Variants in JMJD1C observed in about 807,000 individuals in gnomAD.
JMJD1C encodes jumonji domain-containing protein 1C.
JMJD1C carries 31 observed loss-of-function variants against 245.3 expected under a neutral mutation model. The ratio of observed to expected loss-of-function variants is 0.13; its 90% CI spans 0.09 to 0.17. JMJD1C has a LOEUF of 0.17. Among genes scored for constraint, JMJD1C ranks in the 10% least tolerant of loss-of-function variants. The pLI, the probability that JMJD1C is intolerant of heterozygous loss-of-function variation, is 1.00. For missense variants in JMJD1C, 2,691 were observed against 3,000.2 expected, an observed-to-expected ratio of 0.90 and a Z score of 2.41; for synonymous variants, 1,057 against 1,017.4, an observed-to-expected ratio of 1.04 and a Z score of -0.74.
chr10:63,241,777 C>T (rs1851511169), intron 3 of JMJD1C, among the ~76,000 whole-genome samples: 1 of 152,124 alleles, frequency 6.6e-6, no homozygotes, highest in Admixed American at 6.6e-5. Flanking sequence ...TCTTTTCCCA[C>T]AAGAAGGTAA....
intron 1 of JMJD1C, among the ~76,000 whole-genome samples, chr10:63,428,324 T>C (rs1173123367): frequency 6.6e-6 from 1 of 152,202 alleles, no homozygotes; most frequent in African/African-American, 2.4e-5. Context: ...TAAAGAACAT[T>C]TTTCTCTAAC....
intron 1 of JMJD1C, among the ~76,000 whole-genome samples, chr10:63,389,007 G>C (rs957879156): frequency 1.3e-5 from 2 of 152,112 alleles, no homozygotes; most frequent in African/African-American, 4.8e-5. Flanking sequence ...AGAGGACCCA[G>C]ATGTATAAAG....
chr10:63,431,336 A>C (rs1950733705), intron 1 of JMJD1C, among the ~76,000 whole-genome samples: 1 of 152,260 alleles, frequency 6.6e-6, no homozygotes, highest in African/African-American at 2.4e-5. Flanking sequence ...ATTAATGTAC[A>C]GAAATATGTA....
chr10:63,499,476 A>G (rs1206113451), intron 1 of JMJD1C, among the ~76,000 whole-genome samples: 2 of 152,200 alleles, frequency 1.3e-5, no homozygotes, highest in Non-Finnish European at 2.9e-5. Context: ...CAAAACTTCT[A>G]AACTTGTGTA....
intron 3 of JMJD1C, 129 bp from the exon 4 acceptor site, chr10:63,220,112 T>A (rs1313092388): frequency 7.0e-6 from 4 of 568,020 alleles, no homozygotes; most frequent in Non-Finnish European, 1.2e-5. Flanking sequence ...AAAACACAAA[T>A]TCATGAGTTA....
intron 24 of JMJD1C, 65 bp downstream of exon 24, chr10:63,176,232 A>AC: frequency 8.2e-7 from 1 of 1,217,694 alleles, no homozygotes. Context: ...ACTAAGAGCA[A>AC]TTTTTTTTTC....
At chr10:63,376,008 G>A (rs1422917625) in intron 2 of JMJD1C, among the ~76,000 whole-genome samples, 1 of 152,116 alleles carries the variant, frequency 6.6e-6, no homozygotes, top group African/African-American at 2.4e-5. Context: ...GAAGAAAGTT[G>A]ACGGAAAAAC....
At chr10:63,276,701 G>A (rs1856808128) in intron 2 of JMJD1C, among the ~76,000 whole-genome samples, 1 of 151,874 alleles carries the variant, frequency 6.6e-6, no homozygotes, top group South Asian at 2.1e-4. Context: ...GACCTCAGGT[G>A]ATCCACCCTC....
intron 1 of JMJD1C, among the ~76,000 whole-genome samples, chr10:63,404,950 C>G (rs1386554643): frequency 6.6e-6 from 1 of 152,132 alleles, no homozygotes; most frequent in Non-Finnish European, 1.5e-5. Flanking sequence ...AAGTAGGAGT[C>G]TTTGCTATTT....
rs567433255 is a variant in JMJD1C at position 63,203,263 on chromosome 10, T to C, written c.5075-2586A>G. ...AAACTTCATCCTTCAATTCCATATA[T>C]ATATAATTTACTGGCAATATATAAA... On this transcript the variant is annotated intron_variant, in intron 10 of 25. Transcript: ENST00000399262. 4.1e-6 allele frequency: 4 copies of C among 976,992 alleles called. No homozygotes were observed. In the African/African-American group the frequency reaches 5.2e-5, roughly 13 times the overall value. 60.5% of individuals were successfully genotyped at this position (976,992 alleles called of 1,614,324 possible).
Position 63,293,807 on chromosome 10 carries a change from C to G in JMJD1C, c.334-29043G>C, listed in dbSNP as rs1424435583. 2.0e-5 allele frequency among the ~76,000 whole-genome samples: 3 copies of G among 150,988 alleles called. No homozygotes were observed. The South Asian group carries it at 6.2e-4, about 31-fold the overall frequency. On this transcript the variant is annotated intron_variant, in intron 2 of 25. Transcript: ENST00000399262. ...TTCTCTAATTTTTTTTTTCAATCTT[C>G]CCAGATGGCTCCACTTCTTCACAAC...
rs536312734 is a variant in JMJD1C at position 63,380,239 on chromosome 10, T to C, written c.333+79A>G. 145 of 1,436,162 alleles carry C rather than the reference T, an allele frequency of 1.0e-4. 2 individuals are homozygous for C. The South Asian group carries it at 1.6e-3, about 16-fold the overall frequency. 89.0% of individuals were successfully genotyped at this position (1,436,162 alleles called of 1,614,324 possible). On this transcript the variant is annotated intron_variant, in intron 2 of 25. Coordinates refer to ENST00000399262, the MANE Select transcript of JMJD1C (RefSeq NM_032776.3). The stretch of plus-strand genomic sequence containing the variant: ...TTTTACAGGTGTCAGTCACCAAACC[T>C]GGCCTTTGTTTTGTTGTTGTTGTTC...
At chr10:63,357,168 G>T (rs1312584158) in intron 2 of JMJD1C, among the ~76,000 whole-genome samples, 1 of 151,676 alleles carries the variant, frequency 6.6e-6, no homozygotes, top group African/African-American at 2.4e-5. Flanking sequence ...CCAGTAGCTG[G>T]GACTATAGAT....
chr10:63,451,119 CA>C (rs1446254526), intron 1 of JMJD1C, among the ~76,000 whole-genome samples: 1 of 152,002 alleles, frequency 6.6e-6, no homozygotes, highest in Non-Finnish European at 1.5e-5. Flanking sequence ...TGGTACATAT[CA>C]AAGGAAATTA....
At chr10:63,177,133 A>AT (rs1406372235) in intron 23 of JMJD1C, 2 of 152,928 alleles carry the variant, frequency 1.3e-5, no homozygotes, top group African/African-American at 4.8e-5. Context: ...CTTAAAACAA[A>AT]TTTCCATAAT....
intron 3 of JMJD1C, among the ~76,000 whole-genome samples, chr10:63,234,957 T>C (rs1280933446): frequency 6.6e-6 from 1 of 152,118 alleles, no homozygotes; most frequent in African/African-American, 2.4e-5. Context: ...CTAGAGGGCA[T>C]ACATTTTCTT....
chr10:63,426,717 C>A (rs567400717), intron 1 of JMJD1C, among the ~76,000 whole-genome samples: 1 of 152,124 alleles, frequency 6.6e-6, no homozygotes, highest in East Asian at 1.9e-4. Context: ...AGGTTACTTA[C>A]TATCCTTATG....
chr10:63,446,173 G>A (rs767222816), intron 1 of JMJD1C, among the ~76,000 whole-genome samples: 2 of 151,986 alleles, frequency 1.3e-5, no homozygotes, highest in Non-Finnish European at 2.9e-5. Flanking sequence ...ACCACGCCCC[G>A]CCTGGGATCT....
At chr10:63,448,081 G>A (rs995271926) in intron 1 of JMJD1C, among the ~76,000 whole-genome samples, 2 of 152,024 alleles carry the variant, frequency 1.3e-5, no homozygotes, top group East Asian at 1.9e-4. Flanking sequence ...TACCTAAAGC[G>A]CCTATCCTCT....
Sources: allele counts gnomAD v4.1 joint callset (sites outside exome capture counted in the v4.1 genomes callset), GRCh38; gene constraint gnomAD v4.1.1; transcripts MANE v1.5; gene names NCBI Gene and HGNC (gene_info 2026-07-23, HGNC 2026-07-21).